Variants in TMEM131L observed in about 807,000 individuals in gnomAD.
TMEM131L encodes the protein transmembrane 131 like.
TMEM131L carries 54 observed loss-of-function variants against 192.2 expected under a neutral mutation model. The observed-to-expected ratio is 0.28, with a 90% CI of 0.23 to 0.35. The LOEUF (loss-of-function observed/expected upper bound fraction) is 0.35, where lower values mean the gene tolerates loss of function less well. TMEM131L is among the 10% of genes least tolerant of loss of function. The probability of loss-of-function intolerance (pLI) is 1.00; values close to 1 mark genes in which losing one functional copy is unlikely to be tolerated. For missense variants in TMEM131L, 1,888 were observed against 1,972.9 expected (o/e 0.96, Z 0.82); for synonymous variants, 701 against 704.9 (o/e 0.99, Z 0.09).
chr4:153,631,970 G>A (rs1170677932), intron 31 of TMEM131L, among the ~76,000 whole-genome samples: 1 of 152,136 alleles, frequency 6.6e-6, no homozygotes, highest in East Asian at 1.9e-4. Context: ...CGTCAATCAC[G>A]TCTTTGAGGA....
chr4:153,607,632 C>T (rs987546654), intron 25 of TMEM131L, among the ~76,000 whole-genome samples: 11 of 152,132 alleles, frequency 7.2e-5, no homozygotes, highest in East Asian at 3.8e-4. Flanking sequence ...GGGACAGTCC[C>T]GCCTCTTAAG....
intron 3 of TMEM131L, among the ~76,000 whole-genome samples, chr4:153,517,718 A>G (rs957494163): frequency 1.3e-5 from 2 of 152,198 alleles, no homozygotes; most frequent in Non-Finnish European, 2.9e-5. Flanking sequence ...ACTCTTGGAA[A>G]ATGGTTATGA....
At chr4:153,487,029 G>C (rs1261740558) in intron 3 of TMEM131L, among the ~76,000 whole-genome samples, 1 of 152,150 alleles carries the variant, frequency 6.6e-6, no homozygotes, top group Non-Finnish European at 1.5e-5. Flanking sequence ...TAGACTGGCC[G>C]GTTCTCAGAC....
At chr4:153,628,189 G>T (rs980344722) in intron 31 of TMEM131L, among the ~76,000 whole-genome samples, 1 of 152,188 alleles carries the variant, frequency 6.6e-6, no homozygotes, top group African/African-American at 2.4e-5. Flanking sequence ...TTGGGGACCC[G>T]CCTTGCTCAG....
At chr4:153,563,624 C>T (rs894249527) in intron 7 of TMEM131L, among the ~76,000 whole-genome samples, 17 of 151,918 alleles carry the variant, frequency 1.1e-4, no homozygotes, top group East Asian at 7.8e-4. Context: ...CATGCTACCA[C>T]GCCCAGCTAA....
At chr4:153,623,959 G>A (rs191534441) in intron 29 of TMEM131L, among the ~76,000 whole-genome samples, 1 of 151,150 alleles carries the variant, frequency 6.6e-6, no homozygotes, top group African/African-American at 2.4e-5. Context: ...ACTGTTTACT[G>A]TCATGAATTT....
In TMEM131L at chr4:153,585,554, C is replaced by A. The variant is rs1730645298; in HGVS notation, c.1254C>A (p.Asp418Glu). The part of the protein sequence containing the change: ...LWSIWYRNHF[D>E]RSVVLNDVFL... ...CAATATGGTACCGCAACCATTTTGA[C>A]CGTAGTGTTGTATTAAATGATGTGT... The change falls in exon 13 of 35, where the codon GAC becomes GAA. Residue 418 changes from aspartate to glutamate, a missense_variant. By Grantham distance (45) the Asp-to-Glu change is conservative. Transcript: ENST00000409959. 6.2e-6 allele frequency: 10 copies of A among 1,613,746 alleles called. No individual in the cohort carries two copies. Among genetic ancestry groups the A allele is most frequent in the Non-Finnish European group, 8.5e-6 (10 of 1,179,894 alleles).
intron 3 of TMEM131L, among the ~76,000 whole-genome samples, chr4:153,501,337 A>G (rs1733593732): frequency 6.6e-6 from 1 of 151,000 alleles, no homozygotes; most frequent in Non-Finnish European, 1.5e-5. Flanking sequence ...AGTAGCTGGG[A>G]CTACAGGCGC....
chr4:153,503,650 T>C (rs888062174), intron 3 of TMEM131L, among the ~76,000 whole-genome samples: 1 of 152,194 alleles, frequency 6.6e-6, no homozygotes, highest in Non-Finnish European at 1.5e-5. Context: ...GTCCTACAAC[T>C]TACTAGTGAT....
At chr4:153,563,456 CTTT>C (rs1177255196) in intron 7 of TMEM131L, among the ~76,000 whole-genome samples, 3 of 88,208 alleles carry the variant, frequency 3.4e-5, no homozygotes, top group African/African-American at 9.3e-5. Flanking sequence ...GATATGTACC[CTTT>C]TTTTTTTTTT....
intron 3 of TMEM131L, among the ~76,000 whole-genome samples, chr4:153,500,534 G>T (rs182425788): frequency 1.5e-3 from 224 of 152,294 alleles, no homozygotes; most frequent in Non-Finnish European, 2.7e-3. Context: ...TGAAGCCCAA[G>T]ATTTCATTAG....
At position 153,603,938 on chromosome 4, in the gene TMEM131L, C is replaced by G; in HGVS notation, c.2926C>G (p.Gln976Glu). 1 of 1,614,050 alleles carries G rather than the reference C, an allele frequency of 6.2e-7. No individual in the cohort carries two copies. Among genetic ancestry groups the G allele is most frequent in the Non-Finnish European group, 8.5e-7 (1 of 1,179,962 alleles). Reference protein sequence around the residue: ...KRSPATYGHSQKKHKCSVYYS... With the variant: ...KRSPATYGHSEKKHKCSVYYS... ...GAGCCCAGCCACCTATGGTCATTCTCAGAAGAAGCACAAATGCTCAGTGTA... is the reference window on the plus strand; with the variant it reads ...GAGCCCAGCCACCTATGGTCATTCTGAGAAGAAGCACAAATGCTCAGTGTA... Residue 976 changes from glutamine to glutamate, a missense_variant, in exon 25 of 35, where the codon CAG becomes GAG. Gln to Glu is a conservative substitution (Grantham distance 29). Coordinates refer to ENST00000409959, the MANE Select transcript of TMEM131L (RefSeq NM_001131007.2).
rs188084094 is a variant in TMEM131L at position 153,566,193 on chromosome 4, T to C, written c.660+7825T>C. Among the ~76,000 whole-genome samples, 1,245 of 151,918 alleles carry C rather than the reference T, an allele frequency of 8.2e-3. 17 individuals carry two copies. Among genetic ancestry groups the C allele is most frequent in the African/African-American group, 0.029 (1,185 of 41,402 alleles). ...CTCTGTCGCCCAGGCTGGAGTGCAG[T>C]GGCGCAATCTCGGCTCACTGCAAGC... On this transcript the variant is annotated intron_variant, in intron 7 of 34. Coordinates refer to ENST00000409959, the MANE Select transcript of TMEM131L (RefSeq NM_001131007.2).
At chr4:153,588,008 C>G (rs1016856814) in intron 15 of TMEM131L, among the ~76,000 whole-genome samples, 197 bp downstream of exon 15, 3 of 144,646 alleles carry the variant, frequency 2.1e-5, no homozygotes, top group African/African-American at 7.7e-5. Flanking sequence ...AATAATGCCC[C>G]TTTATTATCT....
chr4:153,624,824 G>A (rs1178777630), intron 29 of TMEM131L, among the ~76,000 whole-genome samples: 1 of 152,114 alleles, frequency 6.6e-6, no homozygotes, highest in Non-Finnish European at 1.5e-5. Context: ...TCAGCAGCCT[G>A]CAAGCTGTAC....
chr4:153,564,727 T>A (rs1729080580), intron 7 of TMEM131L, among the ~76,000 whole-genome samples: 1 of 152,174 alleles, frequency 6.6e-6, no homozygotes, highest in Non-Finnish European at 1.5e-5. Flanking sequence ...CTCTTTCTGC[T>A]CCAGTTCACA....
intron 7 of TMEM131L, among the ~76,000 whole-genome samples, chr4:153,569,602 TG>T (rs1729447895): frequency 6.6e-6 from 1 of 151,916 alleles, no homozygotes; most frequent in Non-Finnish European, 1.5e-5. Context: ...ATAGTGGGAG[TG>T]AATAAGAGGG....
At chr4:153,627,561 T>C in intron 30 of TMEM131L, 44 bp from the exon 31 acceptor site, 1 of 1,461,230 alleles carries the variant, frequency 6.8e-7, no homozygotes. Context: ...TATTTCCTCG[T>C]GCAGAAAAAA....
intron 26 of TMEM131L, among the ~76,000 whole-genome samples, chr4:153,616,624 A>G (rs1363626564): frequency 6.6e-6 from 1 of 152,216 alleles, no homozygotes; most frequent in African/African-American, 2.4e-5. Flanking sequence ...GTAATTCATG[A>G]TTATTATAGA....
Sources: allele counts gnomAD v4.1 joint callset (sites outside exome capture counted in the v4.1 genomes callset), GRCh38; gene constraint gnomAD v4.1.1; transcripts MANE v1.5; gene names NCBI Gene and HGNC (gene_info 2026-07-23, HGNC 2026-07-21).